Variants in CDH18 observed in about 807,000 individuals in gnomAD.
CDH18 encodes cadherin 18, also known as cadherin-18.
Under a neutral mutation model 67.9 loss-of-function variants are expected in CDH18, and 31 were observed. The ratio of observed to expected loss-of-function variants is 0.46; its 90% CI spans 0.34 to 0.62. The LOEUF is 0.62. CDH18 is among the 20% of genes least tolerant of loss of function. CDH18 has a pLI of 0.01. For missense variants in CDH18, 890 were observed against 975.5 expected (o/e 0.91, Z 1.17); for synonymous variants, 362 against 347.2 (o/e 1.04, Z -0.48).
chr5:20,172,895 C>A (rs1011345606), intron 2 of CDH18, among the ~76,000 whole-genome samples: 1 of 151,274 alleles, frequency 6.6e-6, no homozygotes, highest in African/African-American at 2.4e-5. Flanking sequence ...GAGGCTGAGA[C>A]AGGAGAAACG....
intron 1 of CDH18, among the ~76,000 whole-genome samples, chr5:20,503,525 T>G (rs1754465457): frequency 1.3e-5 from 2 of 152,190 alleles, no homozygotes. Flanking sequence ...AAGATAAAAC[T>G]TTTTAAACAT....
In CDH18 at chr5:20,473,198, A is replaced by G. The variant is rs1465812457; in HGVS notation, c.-580+102264T>C. Among the ~76,000 whole-genome samples, 4 of 152,176 alleles carry G rather than the reference A, an allele frequency of 2.6e-5. No homozygotes were observed. The East Asian group carries it at 7.7e-4, about 29-fold the overall frequency. ...GTTAATGTTTTGTTCTACTTAATACAACTTAATGAAGATATTTGTTAAAAA... is the reference window on the plus strand; with the variant it reads ...GTTAATGTTTTGTTCTACTTAATACGACTTAATGAAGATATTTGTTAAAAA... On this transcript the variant is annotated intron_variant, in intron 1 of 14. Transcript: ENST00000507958.
At chr5:19,993,110 G>A (rs1338162407), upstream of CDH18, among the ~76,000 whole-genome samples, 1 of 151,972 alleles carries the variant, frequency 6.6e-6, no homozygotes, top group Non-Finnish European at 1.5e-5. Flanking sequence ...TTTGGATGAA[G>A]AACTACAAAT....
intron 2 of CDH18, among the ~76,000 whole-genome samples, chr5:19,896,315 C>T (rs1236385371): frequency 1.3e-5 from 2 of 152,040 alleles, no homozygotes; most frequent in Non-Finnish European, 2.9e-5. Context: ...CATCATTGCA[C>T]TCGAGCCTGG....
chr5:19,542,497 A>G (rs1750431754), intron 9 of CDH18, among the ~76,000 whole-genome samples: 1 of 152,182 alleles, frequency 6.6e-6, no homozygotes, highest in Admixed American at 6.5e-5. Context: ...ATTAGGAAAA[A>G]AATGGAAACC....
At chr5:19,914,848 C>CA (rs924582157) in intron 2 of CDH18, among the ~76,000 whole-genome samples, 72 of 151,602 alleles carry the variant, frequency 4.7e-4, no homozygotes, top group Admixed American at 1.3e-4. Flanking sequence ...TGCACAAATA[C>CA]AAAAAAAATT....
intron 2 of CDH18, among the ~76,000 whole-genome samples, chr5:20,075,840 CT>C (rs1220541195): frequency 6.6e-6 from 1 of 151,950 alleles, no homozygotes; most frequent in Non-Finnish European, 1.5e-5. Flanking sequence ...AAATTTTGAC[CT>C]TATAAACATG....
intron 2 of CDH18, among the ~76,000 whole-genome samples, chr5:20,129,222 AT>A (rs765906334): frequency 4.3e-4 from 65 of 152,142 alleles, no homozygotes; most frequent in Non-Finnish European, 7.8e-4. Flanking sequence ...AAGAAAAAAA[AT>A]ATAGACCCAA....
intron 2 of CDH18, among the ~76,000 whole-genome samples, chr5:20,049,445 A>ACCC (rs76657447): frequency 1.3e-5 from 2 of 151,214 alleles, no homozygotes; most frequent in Admixed American, 6.6e-5. Context: ...TATACAACAA[A>ACCC]CCCCCATGAC....
At chr5:20,376,411 A>G (rs1224096400) in intron 1 of CDH18, among the ~76,000 whole-genome samples, 1 of 151,758 alleles carries the variant, frequency 6.6e-6, no homozygotes, top group Non-Finnish European at 1.5e-5. Context: ...GTTTTATTTC[A>G]GTTTGAGGAA....
At chr5:19,719,585 C>T (rs1021888211) in intron 5 of CDH18, among the ~76,000 whole-genome samples, 1 of 151,844 alleles carries the variant, frequency 6.6e-6, no homozygotes, top group African/African-American at 2.4e-5. Flanking sequence ...TGTGCCACCA[C>T]TTAGATTACT....
At chr5:19,545,284 G>C (rs1736118895) in intron 8 of CDH18, among the ~76,000 whole-genome samples, 1 of 152,132 alleles carries the variant, frequency 6.6e-6, no homozygotes, top group African/African-American at 2.4e-5. Flanking sequence ...CGAAATTAAA[G>C]AAACAGTTTC....
intron 2 of CDH18, among the ~76,000 whole-genome samples, chr5:20,019,240 A>T (rs74989640): frequency 6.6e-6 from 1 of 152,214 alleles, no homozygotes; most frequent in Non-Finnish European, 1.5e-5. Flanking sequence ...ACTATCTTTT[A>T]AAGCACAAAA....
At position 19,571,526 on chromosome 5, in the gene CDH18, T is replaced by C; in HGVS notation, c.1253+53A>G. Reference sequence around the variant, plus strand: ...TGTAATTTTATTCAAGTTTAATTAATGTGAGAGGCAATAAAAATCTTTCTA... The same window carrying C: ...TGTAATTTTATTCAAGTTTAATTAACGTGAGAGGCAATAAAAATCTTTCTA... On this transcript the variant is annotated intron_variant, in intron 8 of 12. Transcript: ENST00000382275. 3 of 1,507,900 alleles carry C rather than the reference T, an allele frequency of 2.0e-6. 1 individual carries two copies. The highest frequency in any genetic ancestry group is 2.5e-5 in the South Asian group (2 of 80,982). The allele number at this position is 1,507,900 out of a possible 1,614,324, so 93.4% of individuals were successfully genotyped here.
rs185805205 is a variant in CDH18, at chr5:20,283,805, T to C, written c.-579-28300A>G. Among the ~76,000 whole-genome samples, 14 of 152,188 alleles carry C rather than the reference T, an allele frequency of 9.2e-5. No individual in the cohort carries two copies. The East Asian group carries it at 2.5e-3, about 27-fold the overall frequency. ...TGGCAAAGATATATCAGCACTCCCA[T>C]GTTTACTGCAGTAGAATTCACAATT... On this transcript the variant is annotated intron_variant, in intron 1 of 14. Transcript: ENST00000507958.
intron 8 of CDH18, among the ~76,000 whole-genome samples, chr5:19,569,624 G>T (rs62349538): frequency 0.074 from 11,256 of 152,042 alleles, 456 homozygotes; most frequent in African/African-American, 0.089. Context: ...CTATAATATC[G>T]CACGTTACAA....
chr5:20,499,787 C>G lies in CDH18; in HGVS notation c.-580+75675G>C, dbSNP rs77418205. Reference sequence around the variant, plus strand: ...TAGTTATCTTATGCATATAGCAAATCAATAAATGTTCACGTGTGGATGATA... The same window carrying G: ...TAGTTATCTTATGCATATAGCAAATGAATAAATGTTCACGTGTGGATGATA... On this transcript the variant is annotated intron_variant, in intron 1 of 14. Transcript: ENST00000507958. Among the ~76,000 whole-genome samples the G allele has an allele frequency of 4.7e-3, 713 of 152,190 alleles. 8 individuals carry two copies. The highest frequency in any genetic ancestry group is 0.016 in the African/African-American group (679 of 41,546).
At position 20,342,663 on chromosome 5, in the gene CDH18, A is replaced by T. The variant is rs1001329580; in HGVS notation, c.-579-87158T>A. Among the ~76,000 whole-genome samples the T allele has an allele frequency of 2.0e-5, 3 of 152,182 alleles. No individual in the cohort carries two copies. In the East Asian group the frequency reaches 5.8e-4, roughly 29 times the overall value. On this transcript the variant is annotated intron_variant, in intron 1 of 14. Transcript: ENST00000507958. ...AAGAGTGTGGGATAATGGCAGAAGG[A>T]ACATAGAGTTGGATCAGACTGCATT...
At chr5:20,474,938 G>A (rs2150245725) in intron 1 of CDH18, among the ~76,000 whole-genome samples, 1 of 151,906 alleles carries the variant, frequency 6.6e-6, no homozygotes, top group South Asian at 2.1e-4. Flanking sequence ...TATTTTTACA[G>A]CAGAACCACA....
Sources: allele counts gnomAD v4.1 joint callset (sites outside exome capture counted in the v4.1 genomes callset), GRCh38; gene constraint gnomAD v4.1.1; transcripts MANE v1.5; gene names NCBI Gene and HGNC (gene_info 2026-07-23, HGNC 2026-07-21).